Variants in ANTXR1 observed in about 807,000 individuals in gnomAD.
The protein encoded by ANTXR1 is ANTXR cell adhesion molecule 1.
In ANTXR1, 19 loss-of-function variants were observed where a neutral mutation model predicts 78.1. The ratio of observed to expected loss-of-function variants is 0.24; its 90% CI spans 0.17 to 0.36. The LOEUF is 0.36. Among genes scored for constraint, ANTXR1 ranks in the 10% least tolerant of loss-of-function variants. ANTXR1 has a pLI of 1.00. For synonymous variants in ANTXR1, 273 were observed against 260.5 expected (o/e 1.05, Z -0.46); for missense variants, 518 against 718.6 (o/e 0.72, Z 3.19).
At chr2:69,137,782 T>TTA (rs1672956175) in intron 12 of ANTXR1, among the ~76,000 whole-genome samples, 3 of 103,492 alleles carry the variant, frequency 2.9e-5, no homozygotes, top group African/African-American at 1.2e-4. Context: ...AGACCCTGTC[T>TTA]CAAAAAAAAA....
chr2:69,205,117 T>C (rs1254627978), intron 17 of ANTXR1, among the ~76,000 whole-genome samples: 1 of 152,026 alleles, frequency 6.6e-6, no homozygotes, highest in Non-Finnish European at 1.5e-5. Flanking sequence ...ACATGGTAGA[T>C]AGTATGAGGG....
At chr2:69,090,509 G>A (rs921085409) in intron 8 of ANTXR1, 4 of 352,506 alleles carry the variant, frequency 1.1e-5, no homozygotes, top group African/African-American at 2.1e-5. Flanking sequence ...CAATAGGAGT[G>A]GCCATTGGCA....
rs1248892081 is a variant in ANTXR1, at chr2:69,077,551, A to G, written c.642+63A>G. ...CACCTTCCGTCTCTGATCTGCTATT[A>G]ATACCCCAATTCCATCTCTCAAAGC... On this transcript the variant is annotated intron_variant, in intron 8 of 17. Coordinates refer to ENST00000303714, the MANE Select transcript of ANTXR1 (RefSeq NM_032208.3). 2.4e-5 allele frequency: 37 copies of G among 1,515,964 alleles called. No individual in the cohort carries two copies. The South Asian group carries it at 4.0e-4, about 17-fold the overall frequency. 93.9% of individuals were successfully genotyped at this position (1,515,964 alleles called of 1,614,324 possible).
chr2:69,121,948 G>A (rs1482638281), intron 10 of ANTXR1, among the ~76,000 whole-genome samples: 7 of 152,136 alleles, frequency 4.6e-5, no homozygotes, highest in Non-Finnish European at 1.0e-4. Flanking sequence ...ATTAGAAGAA[G>A]CACAAGAACT....
chr2:69,106,409 G>T (rs1671809962), intron 10 of ANTXR1, among the ~76,000 whole-genome samples: 1 of 152,144 alleles, frequency 6.6e-6, no homozygotes, highest in Admixed American at 6.5e-5. Context: ...AAACAAAATG[G>T]GAATAAAAAC....
chr2:69,211,563 T>C (rs2104498803), intron 17 of ANTXR1, among the ~76,000 whole-genome samples: 1 of 152,362 alleles, frequency 6.6e-6, no homozygotes, highest in African/African-American at 2.4e-5. Flanking sequence ...TCAAATACAT[T>C]TGGAAATTGT....
intron 10 of ANTXR1, among the ~76,000 whole-genome samples, chr2:69,117,026 A>C (rs1035621944): frequency 6.6e-6 from 1 of 152,174 alleles, no homozygotes; most frequent in Admixed American, 6.5e-5. Context: ...TACACTTATG[A>C]GTGTATGGTT....
chr2:69,043,334 C>T (rs1237948862), intron 2 of ANTXR1, among the ~76,000 whole-genome samples: 1 of 152,182 alleles, frequency 6.6e-6, no homozygotes, highest in Non-Finnish European at 1.5e-5. Flanking sequence ...CAGTCTCATA[C>T]AGTTGTTCAA....
At chr2:69,202,140 A>T (rs1008939444) in intron 17 of ANTXR1, among the ~76,000 whole-genome samples, 3 of 152,144 alleles carry the variant, frequency 2.0e-5, no homozygotes, top group Admixed American at 2.0e-4. Context: ...TAGAGAGAAG[A>T]AGTTAAGCAC....
At chr2:69,132,455 T>A (rs2104398924) in intron 12 of ANTXR1, among the ~76,000 whole-genome samples, 1 of 152,366 alleles carries the variant, frequency 6.6e-6, no homozygotes, top group Admixed American at 6.5e-5. Flanking sequence ...GTAGTCATTA[T>A]GACTCTTTAG....
At chr2:69,152,375 G>A in intron 13 of ANTXR1, 111 bp downstream of exon 13, 1 of 1,117,068 alleles carries the variant, frequency 9.0e-7, no homozygotes, top group Non-Finnish European at 1.4e-6. Context: ...GACAAATCTT[G>A]CATTTTTTAT....
In ANTXR1 at chr2:69,122,935, G is replaced by C; in HGVS notation, c.803-82G>C. 2.1e-6 allele frequency: 3 copies of C among 1,451,224 alleles called. No homozygotes were observed. The Admixed American group carries it at 5.0e-5, about 24-fold the overall frequency. 89.9% of individuals were successfully genotyped at this position (1,451,224 alleles called of 1,614,324 possible). On this transcript the variant is annotated intron_variant, in intron 10 of 17. Transcript: ENST00000303714. ...GTTTTTTTGGTATCTCCCTGGACTT[G>C]GTTGATGTTCTCTAGAAGTCATTGA...
At chr2:69,096,748 G>T (rs1041372393) in intron 9 of ANTXR1, among the ~76,000 whole-genome samples, 3 of 152,116 alleles carry the variant, frequency 2.0e-5, no homozygotes, top group African/African-American at 7.2e-5. Flanking sequence ...TGAAAAATCA[G>T]AACTGACAAC....
chr2:69,123,368 T>G (rs1302713727), intron 11 of ANTXR1, among the ~76,000 whole-genome samples: 1 of 152,214 alleles, frequency 6.6e-6, no homozygotes, highest in Non-Finnish European at 1.5e-5. Context: ...TTGCCTAAGG[T>G]CACACAGCAG....
intron 16 of ANTXR1, among the ~76,000 whole-genome samples, chr2:69,183,923 G>A (rs1674354513): frequency 6.6e-6 from 1 of 152,036 alleles, no homozygotes; most frequent in African/African-American, 2.4e-5. Context: ...TTGTTCTGCT[G>A]AGGTCTGGAA....
chr2:69,095,351 C>G (rs1038601574), intron 9 of ANTXR1, among the ~76,000 whole-genome samples: 2 of 152,166 alleles, frequency 1.3e-5, no homozygotes, highest in African/African-American at 4.8e-5. Flanking sequence ...ACCCACACCC[C>G]TATGAAACTC....
intron 3 of ANTXR1, among the ~76,000 whole-genome samples, chr2:69,063,134 A>C (rs1670293661): frequency 6.6e-6 from 1 of 152,164 alleles, no homozygotes; most frequent in South Asian, 2.1e-4. Flanking sequence ...ACTTGATAAC[A>C]TGTATTTGTG....
At chr2:69,148,274 G>T (rs991417458) in intron 12 of ANTXR1, among the ~76,000 whole-genome samples, 1 of 152,144 alleles carries the variant, frequency 6.6e-6, no homozygotes, top group African/African-American at 2.4e-5. Context: ...CCAGCATGTG[G>T]ACCTCCACTG....
intron 2 of ANTXR1, among the ~76,000 whole-genome samples, chr2:69,040,416 C>A (rs1207891390): frequency 6.6e-6 from 1 of 152,194 alleles, no homozygotes; most frequent in Non-Finnish European, 1.5e-5. Context: ...TTGCACACTG[C>A]ATCATGCAGC....
Sources: allele counts gnomAD v4.1 joint callset (sites outside exome capture counted in the v4.1 genomes callset), GRCh38; gene constraint gnomAD v4.1.1; transcripts MANE v1.5; gene names NCBI Gene and HGNC (gene_info 2026-07-23, HGNC 2026-07-21).